The following CNTNAP2 variants were observed in gnomAD, a reference collection of about 807,000 sequenced individuals.
CNTNAP2 encodes contactin-associated protein-like 2.
CNTNAP2 carries 98 observed loss-of-function variants against 155.2 expected under a neutral mutation model. That is an observed-to-expected ratio of 0.63 (90% CI 0.54 to 0.75). The LOEUF (loss-of-function observed/expected upper bound fraction) is 0.75. CNTNAP2 is among the 30% of genes least tolerant of loss of function. CNTNAP2 has a pLI of 0.00. For synonymous variants in CNTNAP2, 651 were observed against 631.2 expected, an observed-to-expected ratio of 1.03 and a Z score of -0.47; for missense variants, 1,727 against 1,688.1, an observed-to-expected ratio of 1.02 and a Z score of -0.40.
intron 12 of CNTNAP2, among the ~76,000 whole-genome samples, chr7:147,588,859 G>C (rs1355611453): frequency 6.6e-6 from 1 of 152,150 alleles, no homozygotes; most frequent in African/African-American, 2.4e-5. Context: ...ATTTATACTG[G>C]TTCATTGCCT....
chr7:147,932,440 C>T (rs1409719043), intron 14 of CNTNAP2, among the ~76,000 whole-genome samples: 1 of 152,038 alleles, frequency 6.6e-6, no homozygotes, highest in Non-Finnish European at 1.5e-5. Context: ...AATAGAGATG[C>T]CAAGAACAGA....
intron 13 of CNTNAP2, among the ~76,000 whole-genome samples, chr7:147,812,505 TA>T (rs111453178): frequency 0.011 from 1,495 of 137,778 alleles, 22 homozygotes; most frequent in African/African-American, 0.033. Flanking sequence ...ATTTAAAAAG[TA>T]AAAAAAAAAA....
intron 8 of CNTNAP2, among the ~76,000 whole-genome samples, chr7:147,172,038 G>T (rs1221325999): frequency 1.3e-5 from 2 of 152,256 alleles, no homozygotes; most frequent in East Asian, 3.9e-4. Context: ...TGATGTTTCT[G>T]CCCTCTCTGG....
chr7:147,021,080 A>G (rs1483770635), intron 3 of CNTNAP2, among the ~76,000 whole-genome samples: 1 of 152,194 alleles, frequency 6.6e-6, no homozygotes, highest in Non-Finnish European at 1.5e-5. Flanking sequence ...ATGAGCATCC[A>G]AAAGTCCCAG....
intron 8 of CNTNAP2, among the ~76,000 whole-genome samples, chr7:147,282,521 A>G (rs928982322): frequency 6.6e-6 from 1 of 151,862 alleles, no homozygotes; most frequent in Non-Finnish European, 1.5e-5. Context: ...CCATCTGGTT[A>G]TACTTTTTAG....
intron 9 of CNTNAP2, among the ~76,000 whole-genome samples, chr7:147,307,453 ACG>A (rs1401056611): frequency 6.7e-6 from 1 of 148,484 alleles, no homozygotes; most frequent in African/African-American, 2.5e-5. Context: ...ATGGTGGCAC[ACG>A]TGCCTGTAGT....
At chr7:146,230,482 A>G (rs1486743923) in intron 1 of CNTNAP2, among the ~76,000 whole-genome samples, 1 of 152,362 alleles carries the variant, frequency 6.6e-6, no homozygotes, top group African/African-American at 2.4e-5. Context: ...GTTTATAGAC[A>G]GTAAATATAC....
intron 2 of CNTNAP2, among the ~76,000 whole-genome samples, chr7:146,777,049 TTC>T (rs1405849043): frequency 2.0e-5 from 3 of 152,142 alleles, no homozygotes; most frequent in African/African-American, 7.2e-5. Flanking sequence ...AGACAGATGT[TTC>T]AAAAGCAAAA....
chr7:147,908,596 G>A (rs959466912), intron 14 of CNTNAP2, among the ~76,000 whole-genome samples: 4 of 152,328 alleles, frequency 2.6e-5, no homozygotes, highest in East Asian at 1.9e-4. Flanking sequence ...GCAACCTGGA[G>A]TGCACTGTCA....
intron 1 of CNTNAP2, among the ~76,000 whole-genome samples, chr7:146,721,891 T>TATATATATATATATATA (rs1202931748): frequency 2.5e-5 from 2 of 80,274 alleles, no homozygotes; most frequent in African/African-American, 1.3e-4. Context: ...ATATATATAT[T>TATATATATATATATATA]TTTTTTTTTT....
chr7:146,682,180 A>T (rs61231420), intron 1 of CNTNAP2, among the ~76,000 whole-genome samples: 2 of 152,050 alleles, frequency 1.3e-5, no homozygotes, highest in African/African-American at 4.8e-5. Flanking sequence ...TTAATTAATT[A>T]GAGTGACCTA....
rs534479644 is a variant in CNTNAP2 at position 146,747,687 on chromosome 7, T to A, written c.98-26584T>A. On this transcript the variant is annotated intron_variant, in intron 1 of 23. Coordinates refer to ENST00000361727, the MANE Select transcript of CNTNAP2 (RefSeq NM_014141.6). ...CTTAAAACATTAGTTAGGGCATTTT[T>A]AAATGTACTATGTGTGTTATGTAAG... is the stretch of plus-strand genomic sequence containing the variant. Among the ~76,000 whole-genome samples, 66 of 152,322 alleles carry A rather than the reference T, an allele frequency of 4.3e-4. 1 individual carries two copies. Among genetic ancestry groups the A allele is most frequent in the Non-Finnish European group, 1.2e-4 (8 of 68,008 alleles).
intron 1 of CNTNAP2, among the ~76,000 whole-genome samples, chr7:146,736,880 C>G (rs1563210355): frequency 6.6e-6 from 1 of 151,944 alleles, no homozygotes; most frequent in Non-Finnish European, 1.5e-5. Context: ...AAATTAATGA[C>G]TTTAGGAAAT....
At chr7:147,548,224 A>T (rs1162112656) in intron 11 of CNTNAP2, among the ~76,000 whole-genome samples, 1 of 152,202 alleles carries the variant, frequency 6.6e-6, no homozygotes, top group Non-Finnish European at 1.5e-5. Context: ...TCCTACCAAC[A>T]GTGTGAAAGT....
intron 11 of CNTNAP2, among the ~76,000 whole-genome samples, chr7:147,516,082 A>G (rs1267282139): frequency 2.6e-5 from 4 of 152,238 alleles, no homozygotes; most frequent in African/African-American, 9.6e-5. Context: ...GAGATAAGAG[A>G]CTTACAAAAT....
chr7:147,177,667 C>T (rs1042000295), intron 8 of CNTNAP2, among the ~76,000 whole-genome samples: 2 of 152,078 alleles, frequency 1.3e-5, no homozygotes, highest in African/African-American at 4.8e-5. Context: ...TCATATTCTT[C>T]TCTTCAAACC....
chr7:148,051,170 A>C (rs1802882511), intron 15 of CNTNAP2, among the ~76,000 whole-genome samples: 1 of 152,192 alleles, frequency 6.6e-6, no homozygotes, highest in South Asian at 2.1e-4. Flanking sequence ...ACTTTTTTCT[A>C]ATCAAACTAC....
chr7:146,675,007 T>G (rs1377319378), intron 1 of CNTNAP2, among the ~76,000 whole-genome samples: 1 of 152,162 alleles, frequency 6.6e-6, no homozygotes, highest in Non-Finnish European at 1.5e-5. Context: ...AAAATACTCC[T>G]TATGCTAAAG....
intron 1 of CNTNAP2, among the ~76,000 whole-genome samples, chr7:146,430,163 T>C (rs1286767285): frequency 6.8e-6 from 1 of 146,720 alleles, no homozygotes; most frequent in Admixed American, 7.0e-5. Flanking sequence ...TCATCAAGGA[T>C]ATTTGCCTGA....
Sources: allele counts gnomAD v4.1 joint callset (sites outside exome capture counted in the v4.1 genomes callset), GRCh38; gene constraint gnomAD v4.1.1; transcripts MANE v1.5; gene names NCBI Gene and HGNC (gene_info 2026-07-23, HGNC 2026-07-21).